Variants in TFEB observed in about 807,000 individuals in gnomAD.
TFEB encodes the protein T-cell transcription factor EB.
A neutral mutation model predicts 48.0 loss-of-function variants in TFEB; 12 were observed. The ratio of observed to expected loss-of-function variants is 0.25; its 90% confidence interval spans 0.16 to 0.40. The LOEUF is 0.40. Ranked by LOEUF, TFEB falls within the 10% of genes least tolerant of loss-of-function variation. The pLI is 1.00. For missense variants in TFEB, 509 were observed against 640.3 expected (o/e 0.79, Z 2.21); for synonymous variants, 244 against 261.4 (o/e 0.93, Z 0.64).
At chr6:41,700,455 G>C (rs907680304) in intron 1 of TFEB, among the ~76,000 whole-genome samples, 3 of 130,058 alleles carry the variant, frequency 2.3e-5, no homozygotes, top group Non-Finnish European at 4.7e-5. Flanking sequence ...GACAGAGCGA[G>C]ACTCCGTCTC....
intron 1 of TFEB, among the ~76,000 whole-genome samples, chr6:41,727,994 C>G (rs1235289651): frequency 3.3e-5 from 5 of 152,218 alleles, no homozygotes; most frequent in African/African-American, 1.2e-4. Flanking sequence ...GTAGCCCTTC[C>G]TGGGGCCCAG....
intron 1 of TFEB, among the ~76,000 whole-genome samples, chr6:41,696,816 T>C (rs1330833311): frequency 6.6e-6 from 1 of 152,170 alleles, no homozygotes; most frequent in Non-Finnish European, 1.5e-5. Context: ...GCAGACATAA[T>C]GTTAACGAAA....
At chr6:41,711,204 G>A (rs1304061992) in intron 1 of TFEB, among the ~76,000 whole-genome samples, 1 of 152,188 alleles carries the variant, frequency 6.6e-6, no homozygotes, top group Non-Finnish European at 1.5e-5. Context: ...AAATACTACT[G>A]TACTCATTTT....
chr6:41,684,869 T>G lies in TFEB; in HGVS notation c.1161A>C (p.Pro387=). 1 of 1,569,774 alleles carries G rather than the reference T, an allele frequency of 6.4e-7. No individual in the cohort carries two copies. The highest frequency in any genetic ancestry group is 8.6e-7 in the Non-Finnish European group (1 of 1,156,186). The part of the protein sequence containing the change: ...PQAPLPLPTQ[P]PSPFHHLDFS... ...AGTCCAGGTGATGGAATGGGGATGG[T>G]GGCTGGGTGGGCAGGGGCAGCGGGG... Residue 387 remains proline (P), a synonymous_variant, in exon 9 of 9, where the codon CCA becomes CCC. Coordinates refer to ENST00000373033, the MANE Select transcript of TFEB (RefSeq NM_001271944.2).
intron 3 of TFEB, 133 bp downstream of exon 3, chr6:41,690,530 G>T: frequency 9.1e-7 from 1 of 1,094,464 alleles, no homozygotes; most frequent in Non-Finnish European, 1.2e-6. Context: ...CCCTGAGAAG[G>T]GCTCTGTCCC....
intron 1 of TFEB, among the ~76,000 whole-genome samples, chr6:41,708,306 G>C (rs1403324690): frequency 6.6e-6 from 1 of 152,186 alleles, no homozygotes; most frequent in Admixed American, 6.5e-5. Context: ...AAGAGGGCTT[G>C]GCAGACCCCC....
At chr6:41,705,843 G>A (rs1227018795) in intron 1 of TFEB, 1 of 152,198 alleles carries the variant, frequency 6.6e-6, no homozygotes, top group East Asian at 1.9e-4. Flanking sequence ...AAGGCCCTCG[G>A]CCCCAAAATA....
intron 7 of TFEB, 117 bp from the exon 8 acceptor site, chr6:41,686,354 G>A (rs752237436): frequency 3.6e-6 from 5 of 1,373,970 alleles, no homozygotes; most frequent in African/African-American, 1.4e-5. Context: ...AGCAACCCCA[G>A]ACCTGGAGGT....
chr6:41,701,742 C>T (rs935649923), intron 1 of TFEB, among the ~76,000 whole-genome samples: 8 of 151,762 alleles, frequency 5.3e-5, no homozygotes, highest in Non-Finnish European at 7.4e-5. Flanking sequence ...GTCAGGAGTT[C>T]GAGACCAGCC....
intron 4 of TFEB, among the ~76,000 whole-genome samples, chr6:41,689,297 G>C (rs955806866): frequency 6.6e-6 from 1 of 152,184 alleles, no homozygotes; most frequent in Non-Finnish European, 1.5e-5. Flanking sequence ...TGGAGTAAGA[G>C]ACACAGACAG....
intron 1 of TFEB, among the ~76,000 whole-genome samples, chr6:41,693,823 C>T (rs1581885831): frequency 6.6e-6 from 1 of 152,308 alleles, no homozygotes. Context: ...CTGCAGCCTC[C>T]ACCCATGCCT....
intron 4 of TFEB, among the ~76,000 whole-genome samples, chr6:41,689,010 C>A (rs1350405540): frequency 6.6e-6 from 1 of 152,230 alleles, no homozygotes; most frequent in Non-Finnish European, 1.5e-5. Flanking sequence ...CACCTGCCAC[C>A]TTTGTAGAGA....
rs962655455 is a variant in TFEB at position 41,734,631 on chromosome 6, G to T, written c.-23+719C>A. Among the ~76,000 whole-genome samples the T allele has an allele frequency of 6.6e-6, 1 of 151,730 alleles. No homozygotes were observed. The highest frequency in any genetic ancestry group is 6.5e-5 in the Admixed American group (1 of 15,274). ...GGAACCCGGGGGGAGGCAGACAACG[G>T]GGCGCACGGAGGGAGCGCTCCGGGG... On this transcript the variant is annotated intron_variant, in intron 1 of 8. Transcript: ENST00000373033. This position sits in a 1 kb window ranked among gnomAD's most constrained non-coding sequence, Gnocchi z 4.0.
chr6:41,698,661 C>T (rs932814267), intron 1 of TFEB, among the ~76,000 whole-genome samples: 4 of 152,176 alleles, frequency 2.6e-5, no homozygotes, highest in African/African-American at 9.7e-5. Context: ...CACTCTCAGT[C>T]GTGGGGGAGC....
chr6:41,696,883 G>A (rs544453518), intron 1 of TFEB, among the ~76,000 whole-genome samples: 2 of 152,154 alleles, frequency 1.3e-5, no homozygotes, highest in African/African-American at 2.4e-5. Flanking sequence ...TCAAAAAAAC[G>A]CAACATTAAT....
At chr6:41,688,132 G>A (rs1769113066) in intron 4 of TFEB, 104 bp from the exon 5 acceptor site, 1 of 1,421,598 alleles carries the variant, frequency 7.0e-7, no homozygotes, top group Non-Finnish European at 9.4e-7. Flanking sequence ...GGGACACCTG[G>A]AGTGTCAAAA....
intron 4 of TFEB, 71 bp from the exon 5 acceptor site, chr6:41,688,099 C>A: frequency 6.5e-7 from 1 of 1,548,982 alleles, no homozygotes; most frequent in Non-Finnish European, 8.8e-7. Flanking sequence ...TAGGGCCTAT[C>A]ATCCCAGGAG....
intron 1 of TFEB, among the ~76,000 whole-genome samples, chr6:41,721,690 A>G (rs1770990421): frequency 6.6e-6 from 1 of 152,194 alleles, no homozygotes; most frequent in South Asian, 2.1e-4. Flanking sequence ...TGTGCTAAGC[A>G]TTTTACTATG....
intron 1 of TFEB, among the ~76,000 whole-genome samples, chr6:41,714,160 C>CGT (rs1561866704): frequency 1.5e-5 from 2 of 134,794 alleles, no homozygotes; most frequent in African/African-American, 6.5e-5. Flanking sequence ...CATGTGCATG[C>CGT]GTGTGCATGT....
Sources: gnomAD v4.1 joint callset for allele counts (sites outside exome capture counted in the v4.1 genomes callset) on GRCh38, gnomAD v4.1.1 for gene constraint, Gnocchi (gnomAD v3.1) non-coding constraint, MANE v1.5 for transcripts, NCBI Gene and HGNC (gene_info 2026-07-23, HGNC 2026-07-21) for gene names.